The following KIF26A variants were observed in gnomAD, a reference collection of about 807,000 sequenced individuals.
KIF26A encodes kinesin-like protein KIF26A.
KIF26A carries 74 observed loss-of-function variants against 126.0 expected under a neutral mutation model. The observed-to-expected ratio is 0.59, with a 90% CI of 0.49 to 0.71. The LOEUF is 0.71. Ranked by LOEUF, KIF26A falls within the 30% of genes least tolerant of loss-of-function variation. The pLI is 0.00. For missense variants in KIF26A, 2,984 were observed against 2,763.3 expected, an observed-to-expected ratio of 1.08 and a Z score of -1.79; for synonymous variants, 1,445 against 1,232.7, an observed-to-expected ratio of 1.17 and a Z score of -3.61.
Position 104,173,456 on chromosome 14 carries a change from A to G in KIF26A, c.1810A>G (p.Met604Val), listed in dbSNP as rs1341182901. 4.4e-6 allele frequency: 7 copies of G among 1,589,964 alleles called. No individual in the cohort carries two copies. Among genetic ancestry groups the G allele is most frequent in the Middle Eastern group, 1.7e-4 (1 of 6,046 alleles). ...CGAGGACGCCCGACGCAGCTCCCACATGTTGTTCACGCTGCACGTCTACCA... is the reference window on the plus strand; with the variant it reads ...CGAGGACGCCCGACGCAGCTCCCACGTGTTGTTCACGCTGCACGTCTACCA... ...CGEDARRSSHMLFTLHVYQYR... is the reference protein window; with the variant it reads ...CGEDARRSSHVLFTLHVYQYR... The change falls in exon 9 of 15, where the codon ATG becomes GTG. Residue 604 changes from methionine to valine, a missense_variant. By Grantham distance (21) the Met-to-Val change is conservative. Transcript: ENST00000423312.
At position 104,166,963 on chromosome 14, in the gene KIF26A, T is replaced by C. The variant is rs1359557275; in HGVS notation, c.1028T>C (p.Val343Ala). The C allele has an allele frequency of 4.4e-6, 7 of 1,590,206 alleles. No individual in the cohort carries two copies. The highest frequency in any genetic ancestry group is 5.1e-6 in the Non-Finnish European group (6 of 1,169,472). Residue 343 changes from valine (V) to alanine (A), a missense_variant, in exon 5 of 15, where the codon GTC becomes GCC. Coordinates refer to ENST00000423312, the MANE Select transcript of KIF26A (RefSeq NM_015656.2). ...TSTYPTDFSGVLQLWPPPAPP... is the reference protein window; with the variant it reads ...TSTYPTDFSGALQLWPPPAPP... ...ACCTACCCCACCGACTTCAGCGGGG[T>C]CCTGCAGCTGTGGCCGCCCCCGGCG...
intron 2 of KIF26A, among the ~76,000 whole-genome samples, chr14:104,140,694 A>AG (rs1374371359): frequency 6.6e-6 from 1 of 152,098 alleles, no homozygotes; most frequent in Non-Finnish European, 1.5e-5. Context: ...TTCCTCATCT[A>AG]GGGGGGTGTC....
Position 104,157,781 on chromosome 14 carries a change from G to A in KIF26A, c.762G>A (p.Ala254=), listed in dbSNP as rs200755561. The change falls in exon 4 of 15, where the codon GCG becomes GCA. Residue 254 remains alanine, a synonymous_variant. Transcript: ENST00000423312. ...CLAEAAVAAV[A]VADTVRECPP... is the part of the protein sequence containing the mutation. ...CCGAGGCAGCGGTGGCGGCCGTGGC[G>A]GTGGCAGACACGGTCCGAGAATGCC... 1.3e-4 allele frequency: 216 copies of A among 1,610,624 alleles called. No homozygotes were observed. The highest frequency in any genetic ancestry group is 4.2e-4 in the East Asian group (19 of 44,800).
At chr14:104,166,220 G>C (rs2037899939) in intron 4 of KIF26A, among the ~76,000 whole-genome samples, 1 of 152,142 alleles carries the variant, frequency 6.6e-6, no homozygotes, top group Non-Finnish European at 1.5e-5. Flanking sequence ...GATGGCTCTA[G>C]GGCCTTGGTG....
chr14:104,155,828 G>C (rs2037771802), intron 3 of KIF26A, among the ~76,000 whole-genome samples: 1 of 152,226 alleles, frequency 6.6e-6, no homozygotes, highest in Non-Finnish European at 1.5e-5. Flanking sequence ...GGAGTGGCTG[G>C]CCTGAGATGG....
rs915814669 is a variant in KIF26A at position 104,151,645 on chromosome 14, G to A, written c.289-370G>A. Among the ~76,000 whole-genome samples, 10 of 152,226 alleles carry A rather than the reference G, an allele frequency of 6.6e-5. No individual in the cohort carries two copies. Among genetic ancestry groups the A allele is most frequent in the Admixed American group, 3.3e-4 (5 of 15,290 alleles). ...GAGGCCCTCGTGGCTCTGAAGAGACGTTGCTTTTAAGGGGCCCTGCTTCTT... is the reference window on the plus strand; with the variant it reads ...GAGGCCCTCGTGGCTCTGAAGAGACATTGCTTTTAAGGGGCCCTGCTTCTT... On this transcript the variant is annotated intron_variant, in intron 2 of 14. Coordinates refer to ENST00000423312, the MANE Select transcript of KIF26A (RefSeq NM_015656.2). The surrounding 1 kb of genome is among the most constrained non-coding windows in gnomAD (Gnocchi z 4.9).
chr14:104,151,400 G>C lies in KIF26A; in HGVS notation c.289-615G>C, dbSNP rs1400428017. Among the ~76,000 whole-genome samples, 1 of 152,178 alleles carries C rather than the reference G, an allele frequency of 6.6e-6. No individual in the cohort carries two copies. The highest frequency in any genetic ancestry group is 1.9e-4 in the East Asian group (1 of 5,182). On this transcript the variant is annotated intron_variant, in intron 2 of 14. Transcript: ENST00000423312. The surrounding 1 kb of genome is among the most constrained non-coding windows in gnomAD (Gnocchi z 4.9). Reference sequence around the variant, plus strand: ...GGGAGCTGGTGGAGTGTGCGGCGGGGGGTGGGGCCCTGGGCTGTACCCGAT... The same window carrying C: ...GGGAGCTGGTGGAGTGTGCGGCGGGCGGTGGGGCCCTGGGCTGTACCCGAT...
rs1275112853 is a variant in KIF26A, at chr14:104,175,833, C to T, written c.3045C>T (p.Thr1015=). ...GCTGTCCGGAGCGGGGCCTGCTCAC[C>T]ACCACAGTGACCCTGCAGCGGCCAG... The part of the protein sequence containing the change: ...GSRCPERGLL[T]TTVTLQRPVE... The change falls in exon 12 of 15, where the codon ACC becomes ACT. Residue 1015 remains threonine (T), a synonymous_variant. Coordinates refer to ENST00000423312, the MANE Select transcript of KIF26A (RefSeq NM_015656.2). 6.5e-7 allele frequency: 1 copy of T among 1,538,920 alleles called. No individual in the cohort carries two copies.
At position 104,177,789 on chromosome 14, in the gene KIF26A, C is replaced by T. The variant is rs756440739; in HGVS notation, c.5001C>T (p.Ser1667=). 5.0e-5 allele frequency: 78 copies of T among 1,554,264 alleles called. 1 individual carries two copies. The highest frequency in any genetic ancestry group is 1.7e-4 in the Middle Eastern group (1 of 5,848). The change falls in exon 12 of 15, where the codon AGC becomes AGT. Residue 1667 remains serine, a synonymous_variant. Transcript: ENST00000423312. The part of the protein sequence containing the change: ...SSGYESLRRD[S]EATGSASSAP... ...GCTATGAGAGCCTGCGGCGCGACAG[C>T]GAGGCCACCGGCAGCGCCTCCTCCG...
At chr14:104,168,453 G>C (rs2037927254) in intron 5 of KIF26A, among the ~76,000 whole-genome samples, 1 of 152,202 alleles carries the variant, frequency 6.6e-6, no homozygotes, top group African/African-American at 2.4e-5. Flanking sequence ...GGCCGCCGTG[G>C]GGCATAGGGG....
At chr14:104,154,504 T>C (rs1329859524) in intron 3 of KIF26A, among the ~76,000 whole-genome samples, 1 of 152,198 alleles carries the variant, frequency 6.6e-6, no homozygotes, top group Non-Finnish European at 1.5e-5. Context: ...CGGGCAGGGC[T>C]GTCCAGCGGT....
chr14:104,161,582 C>T (rs2037833099), intron 4 of KIF26A, among the ~76,000 whole-genome samples: 1 of 152,356 alleles, frequency 6.6e-6, no homozygotes, highest in African/African-American at 2.4e-5. Flanking sequence ...GGGATTGCAG[C>T]AAGACACCTG....
In KIF26A at chr14:104,177,557, G is replaced by A; in HGVS notation, c.4769G>A (p.Ser1590Asn). 6.5e-7 allele frequency: 1 copy of A among 1,537,746 alleles called. No individual in the cohort carries two copies. The highest frequency in any genetic ancestry group is 8.7e-7 in the Non-Finnish European group (1 of 1,147,122). The part of the protein sequence containing the change: ...GSSWGSADSD[S>N]GHDSGVNVGE... ...TCGTGGGGCTCGGCGGACTCAGACA[G>A]CGGCCATGACAGCGGCGTGAACGTG... The change falls in exon 12 of 15, where the codon AGC becomes AAC. Residue 1590 changes from serine (S) to asparagine (N), a missense_variant. Transcript: ENST00000423312.
chr14:104,163,912 C>T (rs1203891803), intron 4 of KIF26A, among the ~76,000 whole-genome samples: 5 of 152,086 alleles, frequency 3.3e-5, no homozygotes, highest in East Asian at 2.0e-4. Flanking sequence ...CCTGGGTAGC[C>T]GTGGGTTTGG....
Position 104,173,101 on chromosome 14 carries a change from C to A in KIF26A, c.1545C>A (p.Ser515=). ...ERRERTGTRF[S]VRVSAVEVCG... is the part of the protein sequence containing the mutation. ...GGGAGAGGACGGGCACCCGCTTCTCCGTCCGGGTCTCAGCCGTGGAGGTGT... is the reference window on the plus strand; with the variant it reads ...GGGAGAGGACGGGCACCCGCTTCTCAGTCCGGGTCTCAGCCGTGGAGGTGT... Residue 515 remains serine (S), a synonymous_variant, in exon 8 of 15, where the codon TCC becomes TCA. Coordinates refer to ENST00000423312, the MANE Select transcript of KIF26A (RefSeq NM_015656.2). 1 of 1,606,024 alleles carries A rather than the reference C, an allele frequency of 6.2e-7. No individual in the cohort carries two copies. Among genetic ancestry groups the A allele is most frequent in the Non-Finnish European group, 8.5e-7 (1 of 1,177,212 alleles).
At chr14:104,157,624 TG>T in intron 3 of KIF26A, 130 bp from the exon 4 acceptor site, 1 of 1,009,834 alleles carries the variant, frequency 9.9e-7, no homozygotes, top group Non-Finnish European at 1.4e-6. Context: ...GGCTGGGCCC[TG>T]GGGGTGCAGA....
At position 104,151,936 on chromosome 14, in the gene KIF26A, G is replaced by A; in HGVS notation, c.289-79G>A. The A allele has an allele frequency of 7.7e-7, 1 of 1,293,994 alleles. No individual in the cohort carries two copies. 80.2% of individuals were successfully genotyped at this position (1,293,994 alleles called of 1,614,324 possible). A position where few individuals can be genotyped will look rare whatever the true frequency, so the allele number is the denominator to read the frequency against. ...GCGGGAGCTCGCAGCGTCATGGACGGTGAGAGTGCTGGTGGGCTCTGGGTG... is the reference window on the plus strand; with the variant it reads ...GCGGGAGCTCGCAGCGTCATGGACGATGAGAGTGCTGGTGGGCTCTGGGTG... On this transcript the variant is annotated intron_variant, in intron 2 of 14. Coordinates refer to ENST00000423312, the MANE Select transcript of KIF26A (RefSeq NM_015656.2). The surrounding 1 kb of genome is among the most constrained non-coding windows in gnomAD (Gnocchi z 4.9).
chr14:104,178,631 G>C lies in KIF26A; in HGVS notation c.5192G>C (p.Trp1731Ser), dbSNP rs746769750. Reference sequence around the variant, plus strand: ...CGTAAGCCCAGCCTCCCCGGGCAGTGGGTGGACCTGCCCCCGCCCCTGGCT... The same window carrying C: ...CGTAAGCCCAGCCTCCCCGGGCAGTCGGTGGACCTGCCCCCGCCCCTGGCT... ...LGRKPSLPGQ[W>S]VDLPPPLAGS... Residue 1731 changes from tryptophan to serine, a missense_variant, in exon 13 of 15, where the codon TGG becomes TCG. Coordinates refer to ENST00000423312, the MANE Select transcript of KIF26A (RefSeq NM_015656.2). 6.5e-7 allele frequency: 1 copy of C among 1,550,184 alleles called. No homozygotes were observed. Among genetic ancestry groups the C allele is most frequent in the Non-Finnish European group, 8.7e-7 (1 of 1,147,202 alleles).
chr14:104,156,231 C>T (rs889273347), intron 3 of KIF26A, among the ~76,000 whole-genome samples: 2 of 152,178 alleles, frequency 1.3e-5, no homozygotes, highest in Non-Finnish European at 2.9e-5. Flanking sequence ...GGAGTTTAGG[C>T]TTTTGATAGG....
Sources: gnomAD v4.1 joint callset for allele counts (sites outside exome capture counted in the v4.1 genomes callset) on GRCh38, gnomAD v4.1.1 for gene constraint, Gnocchi (gnomAD v3.1) non-coding constraint, MANE v1.5 for transcripts, NCBI Gene and HGNC (gene_info 2026-07-23, HGNC 2026-07-21) for gene names.